The following MRPS5 variants were observed in gnomAD, a reference collection of about 807,000 sequenced individuals.
MRPS5 encodes small ribosomal subunit protein uS5m.
A neutral mutation model predicts 51.9 loss-of-function variants in MRPS5; 27 were observed. The ratio of observed to expected loss-of-function variants is 0.52; its 90% CI spans 0.38 to 0.72. MRPS5 has a LOEUF of 0.72. MRPS5 is among the 30% of genes least tolerant of loss of function. MRPS5 has a pLI of 0.00. For synonymous variants in MRPS5, 196 were observed against 193.2 expected (o/e 1.01, Z -0.12); for missense variants, 570 against 545.7 (o/e 1.04, Z -0.44).
intron 1 of MRPS5, among the ~76,000 whole-genome samples, chr2:95,118,710 G>C (rs1676359925): frequency 6.6e-6 from 1 of 152,226 alleles, no homozygotes; most frequent in Non-Finnish European, 1.5e-5. Context: ...TTATGGGCAA[G>C]TGATTTTTGA....
chr2:95,095,126 CAAAG>C (rs1283777874), intron 10 of MRPS5, among the ~76,000 whole-genome samples: 1 of 152,108 alleles, frequency 6.6e-6, no homozygotes, highest in Non-Finnish European at 1.5e-5. Context: ...TCAAAAGAGA[CAAAG>C]AAGGCCATTA....
At chr2:95,111,307 G>C (rs1208507613) in intron 3 of MRPS5, among the ~76,000 whole-genome samples, 1 of 152,126 alleles carries the variant, frequency 6.6e-6, no homozygotes, top group African/African-American at 2.4e-5. Context: ...CTCTCTAAGT[G>C]CTAAAAAATG....
At position 95,101,676 on chromosome 2, in the gene MRPS5, C is replaced by T; in HGVS notation, c.810+1G>A. 1 of 1,595,962 alleles carries T rather than the reference C, an allele frequency of 6.3e-7. No individual in the cohort carries two copies. Among genetic ancestry groups the T allele is most frequent in the Non-Finnish European group, 8.5e-7 (1 of 1,175,164 alleles). On this transcript the variant is annotated splice_donor_variant, in intron 8 of 11. Transcript: ENST00000272418. LOFTEE classifies it high-confidence loss of function. ...TCAACAAAGAAAAAAAATGTACATA[C>T]TTTCCTGAAAGCATCCATCCGATCA...
rs1381789150 is a variant in MRPS5, at chr2:95,104,490, C to G, written c.763+150G>C. 8.6e-5 allele frequency: 66 copies of G among 763,766 alleles called. No homozygotes were observed. In the Admixed American group the frequency reaches 1.2e-3, roughly 14 times the overall value. The allele number at this position is 763,766 out of a possible 1,614,324, so 47.3% of individuals were successfully genotyped here. On this transcript the variant is annotated intron_variant, in intron 7 of 11. Transcript: ENST00000272418. ...CTCTCTAAGGGAAGTCATGGACTTA[C>G]CACAAGCTTTGTGAACCCAAACCAC...
chr2:95,098,634 C>T (rs1292984313), intron 10 of MRPS5, among the ~76,000 whole-genome samples: 1 of 151,950 alleles, frequency 6.6e-6, no homozygotes, highest in Non-Finnish European at 1.5e-5. Flanking sequence ...GGGAACTGAA[C>T]AATGAGAACA....
At chr2:95,111,146 A>G (rs1342694273) in intron 3 of MRPS5, among the ~76,000 whole-genome samples, 4 of 152,354 alleles carry the variant, frequency 2.6e-5, no homozygotes, top group Non-Finnish European at 5.9e-5. Context: ...AGGGAAAGTG[A>G]GATTCCACAT....
In MRPS5 at chr2:95,087,299, G is replaced by C. The variant is rs2104387968; in HGVS notation, c.*58C>G. ...AAGGTAACATCCCAAGCTGTGAGGG[G>C]CTGAGTCTCTCCTAGGTGCAGGGCA... On this transcript the variant is annotated 3_prime_UTR_variant, in exon 12 of 12. Coordinates refer to ENST00000272418, the MANE Select transcript of MRPS5 (RefSeq NM_031902.5). 1 of 1,375,942 alleles carries C rather than the reference G, an allele frequency of 7.3e-7. No homozygotes were observed. Among genetic ancestry groups the C allele is most frequent in the Non-Finnish European group, 1.0e-6 (1 of 975,978 alleles). The allele number at this position is 1,375,942 out of a possible 1,614,324, so 85.2% of individuals were successfully genotyped here.
chr2:95,101,380 G>A (rs538147174), intron 8 of MRPS5, among the ~76,000 whole-genome samples: 73 of 140,616 alleles, frequency 5.2e-4, no homozygotes, highest in African/African-American at 1.7e-3. Flanking sequence ...GTGAGACAAC[G>A]TCTCAAAAAA....
intron 1 of MRPS5, among the ~76,000 whole-genome samples, chr2:95,119,262 C>T (rs1309658247): frequency 2.0e-5 from 3 of 152,104 alleles, no homozygotes; most frequent in Admixed American, 6.5e-5. Context: ...TGATAATATG[C>T]TTCTTATTCA....
intron 10 of MRPS5, among the ~76,000 whole-genome samples, chr2:95,098,921 ATT>A (rs772096630): frequency 1.5e-4 from 21 of 141,092 alleles, no homozygotes; most frequent in South Asian, 4.5e-4. Context: ...TATTATTATT[ATT>A]TTTTTTTTTT....
intron 3 of MRPS5, 136 bp downstream of exon 3, chr2:95,114,930 G>A (rs1220702174): frequency 2.6e-6 from 2 of 784,260 alleles, no homozygotes; most frequent in Non-Finnish European, 3.7e-6. Context: ...TGTACATCAA[G>A]GAACATTTTC....
chr2:95,111,589 A>G (rs1261489931), intron 3 of MRPS5, among the ~76,000 whole-genome samples: 1 of 152,216 alleles, frequency 6.6e-6, no homozygotes, highest in Non-Finnish European at 1.5e-5. Flanking sequence ...TCATTAGTCA[A>G]CCTTTGAATG....
intron 10 of MRPS5, chr2:95,093,452 A>C (rs1675529342): frequency 6.6e-6 from 1 of 152,234 alleles, no homozygotes; most frequent in Non-Finnish European, 1.5e-5. Flanking sequence ...GACACCTCCC[A>C]CTAGGGACCG....
chr2:95,106,467 G>GA lies in MRPS5; in HGVS notation c.638-11dup, dbSNP rs747666733. ...AAATCCTCATATGTTTCTGTAGGGA[G>GA]AAAAGAAACAGGGATACAGATGAAA... On this transcript the variant is annotated splice_polypyrimidine_tract_variant and intron_variant, in intron 5 of 11. Transcript: ENST00000272418. 9 of 1,608,608 alleles carry GA rather than the reference G, an allele frequency of 5.6e-6. No individual in the cohort carries two copies. The highest frequency in any genetic ancestry group is 1.7e-6 in the Non-Finnish European group (2 of 1,175,378).
intron 1 of MRPS5, 58 bp from the exon 2 acceptor site, chr2:95,118,003 A>T: frequency 7.8e-7 from 1 of 1,286,720 alleles, no homozygotes; most frequent in Non-Finnish European, 1.1e-6. Context: ...GAACATTTTA[A>T]ACAGTAACAC....
chr2:95,110,668 G>A (rs1676092409), intron 3 of MRPS5, among the ~76,000 whole-genome samples: 2 of 152,138 alleles, frequency 1.3e-5, no homozygotes, highest in Admixed American at 1.3e-4. Flanking sequence ...CAGGTGTGAT[G>A]GCATGTGCCC....
chr2:95,121,067 G>C (rs1012460551), intron 1 of MRPS5, among the ~76,000 whole-genome samples: 3 of 152,102 alleles, frequency 2.0e-5, no homozygotes, highest in Non-Finnish European at 4.4e-5. Flanking sequence ...GCAGTGAGCC[G>C]AGATCGCACC....
At chr2:95,103,482 C>T (rs1294015027) in intron 7 of MRPS5, among the ~76,000 whole-genome samples, 2 of 152,162 alleles carry the variant, frequency 1.3e-5, no homozygotes, top group Non-Finnish European at 2.9e-5. Context: ...TAGAGAAACA[C>T]AGACATTGAT....
intron 10 of MRPS5, among the ~76,000 whole-genome samples, chr2:95,098,404 G>A (rs1291147029): frequency 6.6e-5 from 10 of 152,048 alleles, no homozygotes; most frequent in East Asian, 5.8e-4. Flanking sequence ...TGTTTATTGC[G>A]GCACTATTCA....
Sources: allele counts gnomAD v4.1 joint callset (sites outside exome capture counted in the v4.1 genomes callset), GRCh38; gene constraint gnomAD v4.1.1; transcripts MANE v1.5; gene names NCBI Gene and HGNC (gene_info 2026-07-23, HGNC 2026-07-21).